The following UBE2Q1 variants were observed in gnomAD, a reference collection of about 807,000 sequenced individuals.
UBE2Q1 encodes ubiquitin conjugating enzyme E2 Q1, also known as ubiquitin-conjugating enzyme E2 Q1.
UBE2Q1 carries 6 observed loss-of-function variants against 60.1 expected under a neutral mutation model. That is an observed-to-expected ratio of 0.10 (90% CI 0.05 to 0.20). The LOEUF (loss-of-function observed/expected upper bound fraction) is 0.20, where lower values mean the gene tolerates loss of function less well. UBE2Q1 is among the 10% of genes least tolerant of loss of function. UBE2Q1 has a pLI of 1.00. For synonymous variants in UBE2Q1, 226 were observed against 208.3 expected (o/e 1.09, Z -0.73); for missense variants, 262 against 525.8 (o/e 0.50, Z 4.91).
intron 1 of UBE2Q1, among the ~76,000 whole-genome samples, chr1:154,556,756 C>A (rs1270977741): frequency 1.3e-5 from 2 of 152,182 alleles, no homozygotes; most frequent in Non-Finnish European, 2.9e-5. Context: ...GCTGAGGACC[C>A]CCTAAATTTA....
intron 12 of UBE2Q1, 181 bp downstream of exon 12, chr1:154,550,757 T>C: frequency 1.0e-6 from 1 of 985,378 alleles, no homozygotes; most frequent in Non-Finnish European, 1.2e-6. Flanking sequence ...TTGGTGTGTT[T>C]CTGGAAGAGG....
At chr1:154,550,596 G>A (rs1407789438) in intron 12 of UBE2Q1, 127 bp from the exon 13 acceptor site, 10 of 1,540,834 alleles carry the variant, frequency 6.5e-6, no homozygotes, top group Admixed American at 4.0e-5. Flanking sequence ...GCTGTGTGGG[G>A]AGAGGTGTAT....
At chr1:154,552,933 A>G in intron 5 of UBE2Q1, 99 bp downstream of exon 5, 1 of 1,589,710 alleles carries the variant, frequency 6.3e-7, no homozygotes. Context: ...ATTAGGCACA[A>G]AAAAGGAGTC....
chr1:154,555,397 C>T (rs778795854), intron 3 of UBE2Q1, 31 bp downstream of exon 3: 1 of 1,597,682 alleles, frequency 6.3e-7, no homozygotes, highest in East Asian at 2.2e-5. Flanking sequence ...CAACTCTGCA[C>T]AACAGGGCCC....
intron 12 of UBE2Q1, 117 bp from the exon 13 acceptor site, chr1:154,550,586 GC>G: frequency 6.4e-7 from 1 of 1,557,500 alleles, no homozygotes. Context: ...GGAGGGCTAT[GC>G]TGTGTGGGGA....
At position 154,550,317 on chromosome 1, in the gene UBE2Q1, G is replaced by A. The variant is rs1695772724; in HGVS notation, c.*121C>T. 3.1e-6 allele frequency: 4 copies of A among 1,299,336 alleles called. No homozygotes were observed. Among genetic ancestry groups the A allele is most frequent in the Admixed American group, 1.8e-5 (1 of 56,512 alleles). 80.5% of individuals were successfully genotyped at this position (1,299,336 alleles called of 1,614,324 possible). ...CCATCATTGTCCTGCAATAGGCAGA[G>A]CTATCACGTCCAGGAAAAATGAGGG... On this transcript the variant is annotated 3_prime_UTR_variant, in exon 13 of 13. Transcript: ENST00000292211.
Position 154,550,331 on chromosome 1 carries a change from G to T in UBE2Q1, c.*107C>A. Reference sequence around the variant, plus strand: ...CAATAGGCAGAGCTATCACGTCCAGGAAAAATGAGGGAGGGAACCACAGAG... The same window carrying T: ...CAATAGGCAGAGCTATCACGTCCAGTAAAAATGAGGGAGGGAACCACAGAG... On this transcript the variant is annotated 3_prime_UTR_variant, in exon 13 of 13. Transcript: ENST00000292211. The T allele has an allele frequency of 6.8e-7, 1 of 1,471,098 alleles. No homozygotes were observed. Among genetic ancestry groups the T allele is most frequent in the Non-Finnish European group, 9.4e-7 (1 of 1,059,502 alleles). 91.1% of individuals were successfully genotyped at this position (1,471,098 alleles called of 1,614,324 possible). A position where few individuals can be genotyped will look rare whatever the true frequency, so the allele number is the denominator to read the frequency against.
chr1:154,555,355 T>A (rs1303775064), intron 3 of UBE2Q1, 73 bp downstream of exon 3: 1 of 1,283,524 alleles, frequency 7.8e-7, no homozygotes, highest in Non-Finnish European at 1.1e-6. Context: ...ACTACTGATT[T>A]GTCTCAATTA....
In UBE2Q1 at chr1:154,558,301, C is replaced by A. The variant is rs1484714830; in HGVS notation, c.253G>T (p.Ala85Ser). Reference protein sequence around the residue: ...LAGAGGAGAGAAPGPHLPPRG... With the variant: ...LAGAGGAGAGSAPGPHLPPRG... ...GGGGGGAGATGCGGTCCGGGCGCGG[C>A]CCCCGCCCCGGCCCCTCCGGCCCCA... The change falls in exon 1 of 13, where the codon GCC becomes TCC. Residue 85 changes from alanine (A) to serine (S), a missense_variant. Coordinates refer to ENST00000292211, the MANE Select transcript of UBE2Q1 (RefSeq NM_017582.7). 2.5e-5 allele frequency: 40 copies of A among 1,582,734 alleles called. No individual in the cohort carries two copies. The highest frequency in any genetic ancestry group is 3.3e-5 in the Non-Finnish European group (39 of 1,167,888).
At chr1:154,554,931 G>A in intron 3 of UBE2Q1, 146 bp from the exon 4 acceptor site, 1 of 726,874 alleles carries the variant, frequency 1.4e-6, no homozygotes, top group South Asian at 2.2e-5. Flanking sequence ...AGATCTGAGT[G>A]GAAGCAACAG....
intron 4 of UBE2Q1, among the ~76,000 whole-genome samples, chr1:154,553,447 CTT>C (rs1244608989): frequency 2.0e-5 from 3 of 152,230 alleles, no homozygotes; most frequent in Admixed American, 1.3e-4. Context: ...ACTTAGCCCT[CTT>C]GTTTCCTGGA....
In UBE2Q1 at chr1:154,552,009, AG is replaced by A. The variant is rs758954017; in HGVS notation, c.967-31del. On this transcript the variant is annotated intron_variant, in intron 8 of 12. Coordinates refer to ENST00000292211, the MANE Select transcript of UBE2Q1 (RefSeq NM_017582.7). ...GAGAGAGAGAGACGACAATCAGGGG[AG>A]GGAGGCCAGCATCCTCCACAGGACT... The A allele has an allele frequency of 3.7e-6, 6 of 1,613,910 alleles. No individual in the cohort carries two copies. In the Admixed American group the frequency reaches 1.0e-4, roughly 27 times the overall value.
rs1352971810 is a variant in UBE2Q1 at position 154,549,377 on chromosome 1, A to G, written c.*1061T>C. On this transcript the variant is annotated 3_prime_UTR_variant, in exon 13 of 13. Coordinates refer to ENST00000292211, the MANE Select transcript of UBE2Q1 (RefSeq NM_017582.7). ...TTGTGGGAGTGGCTTGAAAGAATCCATAATTTCCCAAGCCAAACAAATTCA... is the reference window on the plus strand; with the variant it reads ...TTGTGGGAGTGGCTTGAAAGAATCCGTAATTTCCCAAGCCAAACAAATTCA... 2 of 152,238 alleles carry G rather than the reference A, an allele frequency of 1.3e-5. No homozygotes were observed. The highest frequency in any genetic ancestry group is 4.8e-5 in the African/African-American group (2 of 41,458). The allele number at this position is 152,238 out of a possible 1,614,324, so 9.4% of individuals were successfully genotyped here.
At chr1:154,555,109 G>A (rs1197581999) in intron 3 of UBE2Q1, 1 of 538,976 alleles carries the variant, frequency 1.9e-6, no homozygotes, top group African/African-American at 1.9e-5. Flanking sequence ...TGCATTCTTG[G>A]TTCTCACCAA....
chr1:154,556,229 G>A (rs1695884940), intron 1 of UBE2Q1, among the ~76,000 whole-genome samples: 1 of 152,038 alleles, frequency 6.6e-6, no homozygotes, highest in African/African-American at 2.4e-5. Context: ...GTACAAACCA[G>A]GAAACCTAGC....
intron 3 of UBE2Q1, 149 bp from the exon 4 acceptor site, chr1:154,554,934 A>G (rs538330304): frequency 9.1e-5 from 66 of 723,178 alleles, no homozygotes; most frequent in Non-Finnish European, 1.4e-4. Flanking sequence ...TCTGAGTGGA[A>G]GCAACAGCCC....
intron 6 of UBE2Q1, 75 bp downstream of exon 6, chr1:154,552,661 C>A (rs945610728): frequency 6.5e-6 from 10 of 1,540,498 alleles, no homozygotes; most frequent in Non-Finnish European, 8.8e-6. Flanking sequence ...GACCCCAGAA[C>A]CTCTTGGGCC....
intron 5 of UBE2Q1, 49 bp downstream of exon 5, chr1:154,552,983 G>A: frequency 6.2e-7 from 1 of 1,608,668 alleles, no homozygotes; most frequent in South Asian, 1.1e-5. Context: ...CTACTTCCCA[G>A]CCATTTCCCA....
intron 11 of UBE2Q1, 112 bp from the exon 12 acceptor site, chr1:154,551,116 G>A (rs1047246984): frequency 1.5e-5 from 18 of 1,240,528 alleles, no homozygotes; most frequent in Non-Finnish European, 2.0e-5. Context: ...CAGCACTGTG[G>A]TCTAGTAAAA....
Sources: gnomAD v4.1 joint callset for allele counts (sites outside exome capture counted in the v4.1 genomes callset) on GRCh38, gnomAD v4.1.1 for gene constraint, MANE v1.5 for transcripts, NCBI Gene and HGNC (gene_info 2026-07-23, HGNC 2026-07-21) for gene names.